Variants in WASF2 observed in about 807,000 individuals in gnomAD.
WASF2 encodes actin-binding protein WASF2.
In WASF2, 14 loss-of-function variants were observed where a neutral mutation model predicts 45.0. The observed-to-expected ratio is 0.31, with a 90% CI of 0.21 to 0.49. The LOEUF (loss-of-function observed/expected upper bound fraction) is 0.49. Among genes scored for constraint, WASF2 ranks in the 20% least tolerant of loss-of-function variants. The pLI is 0.99. For missense variants in WASF2, 439 were observed against 636.1 expected (o/e 0.69, Z 3.33); for synonymous variants, 200 against 236.3 (o/e 0.85, Z 1.41).
rs543281966 is a variant in WASF2, at chr1:27,476,979, T to C, written c.-44+13007A>G. 3.1e-4 allele frequency among the ~76,000 whole-genome samples: 47 copies of C among 152,218 alleles called. 1 individual carries two copies. Among genetic ancestry groups the C allele is most frequent in the Middle Eastern group, 3.4e-3 (1 of 294 alleles). On this transcript the variant is annotated intron_variant, in intron 1 of 8. Coordinates refer to ENST00000618852, the MANE Select transcript of WASF2 (RefSeq NM_006990.5). ...AGCTCTAAAACTACCTGTTTTAACATAGGAAAGGGGTTTCAAAGTCCCTAG... is the reference window on the plus strand; with the variant it reads ...AGCTCTAAAACTACCTGTTTTAACACAGGAAAGGGGTTTCAAAGTCCCTAG...
At position 27,471,816 on chromosome 1, in the gene WASF2, C is replaced by G. The variant is rs1364384600; in HGVS notation, c.-44+18170G>C. Among the ~76,000 whole-genome samples, 4 of 152,200 alleles carry G rather than the reference C, an allele frequency of 2.6e-5. No individual in the cohort carries two copies. The East Asian group carries it at 5.8e-4, about 22-fold the overall frequency. Reference sequence around the variant, plus strand: ...GGAAGGCCTGTTCAATCCTTATCTTCTTCCTTGACCCACAAATTCAACCCA... The same window carrying G: ...GGAAGGCCTGTTCAATCCTTATCTTGTTCCTTGACCCACAAATTCAACCCA... On this transcript the variant is annotated intron_variant, in intron 1 of 8. Transcript: ENST00000618852.
Position 27,412,665 on chromosome 1 carries a change from C to T in WASF2, c.731G>A (p.Ser244Asn), listed in dbSNP as rs749158379. 12 of 1,614,204 alleles carry T rather than the reference C, an allele frequency of 7.4e-6. No individual in the cohort carries two copies. In the South Asian group the frequency reaches 9.9e-5, roughly 13 times the overall value. ...TGACTGTGGTGGTGGCGGATAGCTA[C>T]TTGCATCCACGTTTTCAACACAGCC... ...SIGCVENVDASSYPPPPQSDS... is the reference protein window; with the variant it reads ...SIGCVENVDANSYPPPPQSDS... Residue 244 changes from serine to asparagine, a missense_variant, in exon 7 of 9, where the codon AGT (serine) becomes AAT (asparagine). Coordinates refer to ENST00000618852, the MANE Select transcript of WASF2 (RefSeq NM_006990.5).
intron 2 of WASF2, among the ~76,000 whole-genome samples, chr1:27,426,437 G>A (rs766080465): frequency 3.3e-5 from 5 of 152,004 alleles, no homozygotes; most frequent in African/African-American, 4.8e-5. Context: ...ACAGAGCTGA[G>A]AAATCTGTAG....
chr1:27,437,356 A>C (rs1233149016), intron 1 of WASF2, among the ~76,000 whole-genome samples: 1 of 152,196 alleles, frequency 6.6e-6, no homozygotes, highest in Non-Finnish European at 1.5e-5. Context: ...CTTTCAATCT[A>C]ATGATGACAG....
intron 1 of WASF2, among the ~76,000 whole-genome samples, chr1:27,434,866 C>A (rs2017110666): frequency 6.6e-6 from 1 of 152,162 alleles, no homozygotes; most frequent in Non-Finnish European, 1.5e-5. Context: ...GGCATTCGTG[C>A]TTTGAAATGG....
At chr1:27,449,734 C>A (rs2017358648) in intron 1 of WASF2, among the ~76,000 whole-genome samples, 1 of 152,102 alleles carries the variant, frequency 6.6e-6, no homozygotes, top group Non-Finnish European at 1.5e-5. Flanking sequence ...GAGAAGATAA[C>A]CCAAGTTCAA....
chr1:27,430,395 C>T (rs112658973), intron 1 of WASF2, among the ~76,000 whole-genome samples: 4,769 of 152,230 alleles, frequency 0.031, 119 homozygotes, highest in Non-Finnish European at 0.044. Flanking sequence ...GGGTCTCGCT[C>T]TGTCACCCAG....
rs770303663 is a variant in WASF2, at chr1:27,416,098, C to A, written c.424G>T (p.Asp142Tyr). 2 of 1,613,516 alleles carry A rather than the reference C, an allele frequency of 1.2e-6. No homozygotes were observed. The highest frequency in any genetic ancestry group is 2.2e-5 in the East Asian group (1 of 44,890). The change falls in exon 5 of 9, where the codon GAT (aspartate) becomes TAT (tyrosine). Residue 142 changes from aspartate to tyrosine, a missense_variant. By Grantham distance (160) the Asp-to-Tyr change is radical. This residue lies in a region of WASF2 where 98 missense variants were observed against 120.7 expected (regional missense o/e 0.81). Coordinates refer to ENST00000618852, the MANE Select transcript of WASF2 (RefSeq NM_006990.5). The stretch of plus-strand genomic sequence containing the variant: ...TAGAATTTGAGTGCCTCTTTTCCAT[C>A]GTCCCTGGGATAGAAATGAAGACAA... ...PLNNLTPYRD[D>Y]GKEALKFYTD... is the part of the protein sequence containing the mutation.
chr1:27,465,083 G>GA (rs1557616844), intron 1 of WASF2, among the ~76,000 whole-genome samples: 2 of 152,142 alleles, frequency 1.3e-5, no homozygotes, highest in African/African-American at 4.8e-5. Context: ...AACACATTCT[G>GA]ACTGGCTGAG....
intron 1 of WASF2, among the ~76,000 whole-genome samples, chr1:27,448,436 C>A (rs550945473): frequency 3.9e-5 from 6 of 152,094 alleles, no homozygotes; most frequent in Admixed American, 3.9e-4. Context: ...AAGAACAAAT[C>A]AAAGAAATAA....
chr1:27,443,511 G>A (rs2017271765), intron 1 of WASF2, among the ~76,000 whole-genome samples: 1 of 151,564 alleles, frequency 6.6e-6, no homozygotes, highest in South Asian at 2.1e-4. Context: ...TACTTGGGAG[G>A]CCGAGGCAGG....
intron 1 of WASF2, among the ~76,000 whole-genome samples, chr1:27,481,604 C>T (rs773663018): frequency 2.0e-5 from 3 of 151,498 alleles, no homozygotes; most frequent in Non-Finnish European, 4.4e-5. Flanking sequence ...CTCAGGAGGC[C>T]GAGGCAGGAG....
chr1:27,487,632 ATATAATATATAT>A (rs201771775), intron 1 of WASF2, among the ~76,000 whole-genome samples: 7,445 of 95,862 alleles, frequency 0.078, 234 homozygotes, highest in East Asian at 0.16. Flanking sequence ...TTTATACAAT[ATATAATATATAT>A]TATATATTAT....
intron 1 of WASF2, among the ~76,000 whole-genome samples, chr1:27,461,315 C>T (rs921139403): frequency 6.6e-6 from 1 of 152,084 alleles, no homozygotes; most frequent in South Asian, 2.1e-4. Context: ...TCTCCACACA[C>T]ATTCACATAC....
intron 1 of WASF2, among the ~76,000 whole-genome samples, chr1:27,480,930 C>T (rs770798560): frequency 4.0e-5 from 6 of 151,208 alleles, no homozygotes; most frequent in South Asian, 2.1e-4. Context: ...CCCAATTACT[C>T]GGGAGGCTGA....
chr1:27,418,083 C>T (rs2016849977), intron 4 of WASF2, among the ~76,000 whole-genome samples, 186 bp downstream of exon 4: 1 of 152,108 alleles, frequency 6.6e-6, no homozygotes, highest in Admixed American at 6.6e-5. Context: ...AGAAACCAAA[C>T]AATAATAAGT....
intron 1 of WASF2, among the ~76,000 whole-genome samples, chr1:27,466,897 T>TTATTGATTAA (rs1398689398): frequency 6.6e-6 from 1 of 152,066 alleles, no homozygotes; most frequent in Non-Finnish European, 1.5e-5. Context: ...TGATTATATG[T>TTATTGATTAA]CATTATATTA....
At position 27,407,488 on chromosome 1, in the gene WASF2, G is replaced by C. The variant is rs527617965; in HGVS notation, c.*701C>G. 45 of 152,828 alleles carry C rather than the reference G, an allele frequency of 2.9e-4. No homozygotes were observed. The highest frequency in any genetic ancestry group is 1.1e-3 in the African/African-American group (45 of 41,566). The allele number at this position is 152,828 out of a possible 1,614,324, so 9.5% of individuals were successfully genotyped here. A position where few individuals can be genotyped will look rare whatever the true frequency, so the allele number is the denominator to read the frequency against. ...TGCCTGAAGGTATCTAGAGGTGGTG[G>C]TGGTGCATCCTGAACACCATACTCA... On this transcript the variant is annotated 3_prime_UTR_variant, in exon 9 of 9. Coordinates refer to ENST00000618852, the MANE Select transcript of WASF2 (RefSeq NM_006990.5).
chr1:27,474,628 C>T (rs929500133), intron 1 of WASF2, among the ~76,000 whole-genome samples: 3 of 151,604 alleles, frequency 2.0e-5, no homozygotes, highest in Non-Finnish European at 2.9e-5. Context: ...AAATTAGCTG[C>T]GCATGGTGGC....
Sources: allele counts gnomAD v4.1 joint callset (sites outside exome capture counted in the v4.1 genomes callset), GRCh38; gene constraint gnomAD v4.1.1; regional missense constraint gnomAD v4.1.1; transcripts MANE v1.5; gene names NCBI Gene and HGNC (gene_info 2026-07-23, HGNC 2026-07-21).